MACF1: variants seen among roughly 807,000 people sequenced by gnomAD.
MACF1 encodes the protein microtubule actin crosslinking factor 1, also known as microtubule-actin cross-linking factor 1.
In MACF1, 193 loss-of-function variants were observed where a neutral mutation model predicts 854.8. That is an observed-to-expected ratio of 0.23 (90% CI 0.20 to 0.25). MACF1 has a LOEUF of 0.25. MACF1 is among the 10% of genes least tolerant of loss of function. The pLI, the probability that MACF1 is intolerant of heterozygous loss-of-function variation, is 1.00. For synonymous variants in MACF1, 3,185 were observed against 3,226.7 expected (o/e 0.99, Z 0.44); for missense variants, 7,722 against 8,929.1 (o/e 0.86, Z 5.45).
intron 26 of MACF1, among the ~76,000 whole-genome samples, chr1:39,312,124 C>T (rs1305337928): frequency 2.0e-5 from 3 of 151,900 alleles, no homozygotes; most frequent in Non-Finnish European, 4.4e-5. Flanking sequence ...TTTGGGAGGC[C>T]GAGATGGGAG....
chr1:39,294,967 G>C, intron 18 of MACF1, 79 bp from the exon 19 acceptor site: 1 of 1,033,558 alleles, frequency 9.7e-7, no homozygotes, highest in Non-Finnish European at 1.5e-6. Flanking sequence ...CTTTAAAATA[G>C]GGAACACAGC....
intron 2 of MACF1, among the ~76,000 whole-genome samples, chr1:39,086,497 C>T (rs1237061595): frequency 6.6e-6 from 1 of 152,130 alleles, no homozygotes; most frequent in Non-Finnish European, 1.5e-5. Context: ...GTTTACTTGT[C>T]CCCAGTCTTG....
Position 39,332,178 on chromosome 1 carries a change from G to C in MACF1, c.5590G>C (p.Asp1864His), listed in dbSNP as rs1646739349. ...PESGEILPIT[D>H]ALEQGIVSTE... ...ATCTGGAGAGATCCTCCCAATTACA[G>C]ATGCCCTAGAACAAGGTATTGTGTC... Residue 1864 changes from aspartate to histidine, a missense_variant, in exon 37 of 101, where the codon GAT becomes CAT. Asp to His is a moderately conservative substitution (Grantham distance 81). Transcript: ENST00000564288. 1.2e-6 allele frequency: 2 copies of C among 1,614,046 alleles called. No homozygotes were observed. The highest frequency in any genetic ancestry group is 1.7e-6 in the Non-Finnish European group (2 of 1,180,020).
At chr1:39,465,246 A>G in intron 95 of MACF1, 134 bp downstream of exon 95, 1 of 850,448 alleles carries the variant, frequency 1.2e-6, no homozygotes, top group South Asian at 1.4e-5. Context: ...TACCAAGTGG[A>G]GAAACTGTTG....
Position 39,334,060 on chromosome 1 carries a change from G to C in MACF1, c.7472G>C (p.Arg2491Thr). Residue 2491 changes from arginine (R) to threonine (T), a missense_variant, in exon 37 of 101, where the codon AGA becomes ACA. Coordinates refer to ENST00000564288, the MANE Select transcript of MACF1 (RefSeq NM_001394062.1). ...TCCATTGACAGAGGTCTTTTGGAGAGAGAGGAGGCCGTTCGTTTGTTGACT... is the reference window on the plus strand; with the variant it reads ...TCCATTGACAGAGGTCTTTTGGAGACAGAGGAGGCCGTTCGTTTGTTGACT... Reference protein sequence around the residue: ...VQSIDRGLLEREEAVRLLTKQ... With the variant: ...VQSIDRGLLETEEAVRLLTKQ... The C allele has an allele frequency of 1.9e-6, 3 of 1,614,192 alleles. No individual in the cohort carries two copies. The highest frequency in any genetic ancestry group is 2.5e-6 in the Non-Finnish European group (3 of 1,180,028).
Position 39,447,713 on chromosome 1 carries a change from G to T in MACF1, c.19783G>T (p.Ala6595Ser). ...EHKVFANEVN[A>S]HRDQIIELDQ... Reference sequence around the variant, plus strand: ...TCAGGTTTTTGCTAATGAAGTAAATGCTCATCGAGACCAGATCATTGAGCT... The same window carrying T: ...TCAGGTTTTTGCTAATGAAGTAAATTCTCATCGAGACCAGATCATTGAGCT... The change falls in exon 82 of 101, where the codon GCT (alanine) becomes TCT (serine). Residue 6595 changes from alanine (A) to serine (S), a missense_variant. Coordinates refer to ENST00000564288, the MANE Select transcript of MACF1 (RefSeq NM_001394062.1). 1 of 1,614,152 alleles carries T rather than the reference G, an allele frequency of 6.2e-7. No homozygotes were observed. The highest frequency in any genetic ancestry group is 8.5e-7 in the Non-Finnish European group (1 of 1,180,026).
intron 2 of MACF1, among the ~76,000 whole-genome samples, chr1:39,138,329 A>G (rs966629309): frequency 2.0e-5 from 3 of 151,450 alleles, no homozygotes; most frequent in African/African-American, 7.3e-5. Context: ...CACGCCTGTA[A>G]TCCCAGCACT....
chr1:39,484,685 A>T lies in MACF1; in HGVS notation c.22366A>T (p.Asn7456Tyr), dbSNP rs1645072552. ...GACATCCCTTGCTGGTGATACCAGC[A>T]ATAGTTCTTCCCCGGCCTCCACAGG... ...SRTSLAGDTS[N>Y]SSSPASTGAK... Residue 7456 changes from asparagine (N) to tyrosine (Y), a missense_variant, in exon 100 of 101, where the codon AAT becomes TAT. By Grantham distance (143) the Asn-to-Tyr change is moderately radical. Coordinates refer to ENST00000564288, the MANE Select transcript of MACF1 (RefSeq NM_001394062.1). 5 of 1,614,212 alleles carry T rather than the reference A, an allele frequency of 3.1e-6. No individual in the cohort carries two copies. The highest frequency in any genetic ancestry group is 4.2e-6 in the Non-Finnish European group (5 of 1,180,024).
intron 95 of MACF1, among the ~76,000 whole-genome samples, chr1:39,465,351 A>G (rs1015545250): frequency 6.6e-6 from 1 of 152,230 alleles, no homozygotes; most frequent in African/African-American, 2.4e-5. Flanking sequence ...AAGCTATGGT[A>G]TCAGTCCATT....
intron 20 of MACF1, among the ~76,000 whole-genome samples, chr1:39,297,316 A>G (rs1645944588): frequency 6.6e-6 from 1 of 152,104 alleles, no homozygotes; most frequent in Non-Finnish European, 1.5e-5. Context: ...CATGAAATAC[A>G]CCCCACAGCC....
intron 10 of MACF1, 41 bp downstream of exon 10, chr1:39,284,226 A>G (rs1485859450): frequency 1.0e-5 from 16 of 1,604,614 alleles, no homozygotes; most frequent in African/African-American, 2.7e-5. Context: ...AAATCTTTCT[A>G]GGGAGTAAGT....
At chr1:39,432,332 T>G (rs768538878) in intron 66 of MACF1, among the ~76,000 whole-genome samples, 1 of 152,204 alleles carries the variant, frequency 6.6e-6, no homozygotes, top group African/African-American at 2.4e-5. Context: ...GTAACTTACT[T>G]TAAAGAAATT....
rs537445752 is a variant in MACF1, at chr1:39,416,206, C to T, written c.15817-6168C>T. On this transcript the variant is annotated intron_variant, in intron 58 of 100. Coordinates refer to ENST00000564288, the MANE Select transcript of MACF1 (RefSeq NM_001394062.1). The stretch of plus-strand genomic sequence containing the variant: ...CCAGTTATTTTGTCAGGTAGCATTC[C>T]ATTAAATTAGGATGCATCATCTTTG... Among the ~76,000 whole-genome samples, 3 of 152,078 alleles carry T rather than the reference C, an allele frequency of 2.0e-5. No individual in the cohort carries two copies. The East Asian group carries it at 5.8e-4, about 29-fold the overall frequency.
In MACF1 at chr1:39,450,606, A is replaced by C. The variant is rs1367905364; in HGVS notation, c.20259-446A>C. ...CCATCTCTCAGTCACTTTTTACTCT[A>C]TTTCTTTTTTTTTTTTTTTTTTTGA... On this transcript the variant is annotated intron_variant, in intron 84 of 100. Coordinates refer to ENST00000564288, the MANE Select transcript of MACF1 (RefSeq NM_001394062.1). Among the ~76,000 whole-genome samples the C allele has an allele frequency of 3.6e-5, 4 of 110,278 alleles. No homozygotes were observed. In the South Asian group the frequency reaches 8.0e-4, roughly 22 times the overall value. 72.3% of individuals were successfully genotyped at this position (110,278 alleles called of 152,430 possible). A position where few individuals can be genotyped will look rare whatever the true frequency, so the allele number is the denominator to read the frequency against.
chr1:39,349,689 G>A (rs1647134106), intron 42 of MACF1, 62 bp downstream of exon 42: 5 of 1,557,572 alleles, frequency 3.2e-6, no homozygotes, highest in Middle Eastern at 3.8e-4. Flanking sequence ...CTGGAGTACA[G>A]TGGTGTTATC....
At chr1:39,253,509 ATT>A (rs34578005) in intron 4 of MACF1, among the ~76,000 whole-genome samples, 1,303 of 91,440 alleles carry the variant, frequency 0.014, 5 homozygotes, top group African/African-American at 0.052. Flanking sequence ...AGCTATCTGT[ATT>A]TTTTTTTTTT....
At chr1:39,292,061 A>G (rs368974977) in intron 16 of MACF1, 23 bp downstream of exon 16, 11 of 1,612,080 alleles carry the variant, frequency 6.8e-6, no homozygotes, top group African/African-American at 1.3e-5. Flanking sequence ...CAGAATCCAC[A>G]TTACAGGAGG....
At position 39,387,973 on chromosome 1, in the gene MACF1, G is replaced by T. The variant is rs764834184; in HGVS notation, c.15131G>T (p.Cys5044Phe). 179 of 1,613,948 alleles carry T rather than the reference G, an allele frequency of 1.1e-4. 3 individuals carry two copies. In the South Asian group the frequency reaches 1.9e-3, roughly 17 times the overall value. ...EIFDALGSQA[C>F]SNKNLEKLRA... ...TTTGATGCTCTGGGTTCTCAAGCCTGTAGCAACAAGAACCTGGAGAAGCTA... is the reference window on the plus strand; with the variant it reads ...TTTGATGCTCTGGGTTCTCAAGCCTTTAGCAACAAGAACCTGGAGAAGCTA... The change falls in exon 58 of 101, where the codon TGT becomes TTT. Residue 5044 changes from cysteine (C) to phenylalanine (F), a missense_variant. Transcript: ENST00000564288.
intron 2 of MACF1, among the ~76,000 whole-genome samples, chr1:39,186,139 G>A (rs1011005291): frequency 6.7e-6 from 1 of 149,846 alleles, no homozygotes; most frequent in Non-Finnish European, 1.5e-5. Flanking sequence ...AGAATGTTAA[G>A]GGAATCCATG....
Sources: gnomAD v4.1 joint callset for allele counts (sites outside exome capture counted in the v4.1 genomes callset) on GRCh38, gnomAD v4.1.1 for gene constraint, MANE v1.5 for transcripts, NCBI Gene and HGNC (gene_info 2026-07-23, HGNC 2026-07-21) for gene names.